HSD17B12: variants seen among roughly 807,000 people sequenced by gnomAD.
HSD17B12 encodes very-long-chain 3-oxoacyl-CoA reductase.
In HSD17B12, 32 loss-of-function variants were observed where a neutral mutation model predicts 39.3. The observed-to-expected ratio is 0.81, with a 90% CI of 0.61 to 1.09. The LOEUF (loss-of-function observed/expected upper bound fraction) is 1.09, where lower values mean the gene tolerates loss of function less well. Ranked by LOEUF, HSD17B12 falls within the 50% of genes least tolerant of loss-of-function variation. The pLI, the probability that HSD17B12 is intolerant of heterozygous loss-of-function variation, is 0.00. For synonymous variants in HSD17B12, 150 were observed against 146.7 expected (o/e 1.02, Z -0.16); for missense variants, 342 against 382.9 (o/e 0.89, Z 0.89).
chr11:43,614,795 T>A, the HSD17B12 span, among the ~76,000 whole-genome samples: 1 of 152,120 alleles, frequency 6.6e-6, no homozygotes, highest in Admixed American at 6.5e-5. Context: ...TTTTTACTTT[T>A]AAAATTTTTA....
chr11:43,645,286 ATGTAC>A, the HSD17B12 span: 2 of 152,206 alleles, frequency 1.3e-5, no homozygotes, highest in Non-Finnish European at 2.9e-5. Context: ...TTCTGCCACA[ATGTAC>A]TGCTCCATAA....
chr11:43,561,013 C>T, the HSD17B12 span, among the ~76,000 whole-genome samples: 2 of 152,206 alleles, frequency 1.3e-5, no homozygotes, highest in Non-Finnish European at 2.9e-5. Flanking sequence ...CCACCACTTC[C>T]TGGTGACGCT....
chr11:43,607,436 G>A, the HSD17B12 span, among the ~76,000 whole-genome samples: 1 of 152,062 alleles, frequency 6.6e-6, no homozygotes, highest in Non-Finnish European at 1.5e-5. Context: ...TACAAAAGCC[G>A]CTCAAGCACT....
At chr11:43,686,871 A>G (rs1949805331) in intron 1 of HSD17B12, among the ~76,000 whole-genome samples, 1 of 152,186 alleles carries the variant, frequency 6.6e-6, no homozygotes, top group Admixed American at 6.6e-5. Context: ...GTTTAGAAGA[A>G]AGAGTTGATA....
At chr11:43,680,059 C>G (rs1029433504), upstream of HSD17B12, among the ~76,000 whole-genome samples, 7 of 126,288 alleles carry the variant, frequency 5.5e-5, no homozygotes, top group Non-Finnish European at 1.1e-4. Flanking sequence ...TGGCTCCACA[C>G]CTATTTCTTT....
At chr11:43,564,127 G>A in the HSD17B12 span, among the ~76,000 whole-genome samples, 1 of 152,236 alleles carries the variant, frequency 6.6e-6, no homozygotes, top group African/African-American at 2.4e-5. Flanking sequence ...GATTACAAGT[G>A]TGCACCACCG....
chr11:43,596,632 G>C, the HSD17B12 span, among the ~76,000 whole-genome samples: 1 of 151,588 alleles, frequency 6.6e-6, no homozygotes, highest in African/African-American at 2.4e-5. Flanking sequence ...TAGAAACAAG[G>C]TATCGCTATT....
the HSD17B12 span, among the ~76,000 whole-genome samples, chr11:43,634,620 A>G: frequency 2.6e-5 from 4 of 152,144 alleles, no homozygotes; most frequent in African/African-American, 9.7e-5. Flanking sequence ...TTTGCTCCCC[A>G]TGCACACTGA....
chr11:43,839,415 T>C (rs1327306760), intron 8 of HSD17B12, among the ~76,000 whole-genome samples: 2 of 152,184 alleles, frequency 1.3e-5, no homozygotes, highest in Non-Finnish European at 2.9e-5. Flanking sequence ...GAAAAGTCAC[T>C]TGATTCTTTG....
chr11:43,798,883 A>G (rs1950939253), intron 4 of HSD17B12, among the ~76,000 whole-genome samples: 1 of 152,170 alleles, frequency 6.6e-6, no homozygotes, highest in Non-Finnish European at 1.5e-5. Flanking sequence ...CACACTGGTA[A>G]ACTCAAGTTT....
In HSD17B12 at chr11:43,816,261, A is replaced by G. The variant is rs1951121921; in HGVS notation, c.457-86A>G. On this transcript the variant is annotated intron_variant, in intron 5 of 10. Transcript: ENST00000278353. The stretch of plus-strand genomic sequence containing the variant: ...TCTGCAATATCTGGGGAAATGTTCA[A>G]TGCTTCTCTAGATTACCTAAGTAGA... 13 of 1,127,406 alleles carry G rather than the reference A, an allele frequency of 1.2e-5. No homozygotes were observed. The South Asian group carries it at 1.4e-4, about 12-fold the overall frequency. 69.8% of individuals were successfully genotyped at this position (1,127,406 alleles called of 1,614,324 possible).
the HSD17B12 span, among the ~76,000 whole-genome samples, chr11:43,661,499 C>G: frequency 6.6e-6 from 1 of 152,132 alleles, no homozygotes; most frequent in African/African-American, 2.4e-5. Context: ...AAGTGCATGT[C>G]TAATAACTTA....
intron 9 of HSD17B12, among the ~76,000 whole-genome samples, chr11:43,844,147 CTA>C (rs1951452926): frequency 6.6e-6 from 1 of 152,138 alleles, no homozygotes; most frequent in Admixed American, 6.5e-5. Flanking sequence ...GCAAAGAATG[CTA>C]TCTTTTTAGG....
At chr11:43,709,284 C>A (rs1950043750) in intron 1 of HSD17B12, among the ~76,000 whole-genome samples, 1 of 152,234 alleles carries the variant, frequency 6.6e-6, no homozygotes, top group South Asian at 2.1e-4. Flanking sequence ...CACCACCACA[C>A]CTGGCTAAGT....
the HSD17B12 span, among the ~76,000 whole-genome samples, chr11:43,634,075 CAAAAAAAAAAAAAAAAAAAAA>C: frequency 1.3e-4 from 5 of 37,568 alleles, no homozygotes; most frequent in African/African-American, 2.3e-4. Flanking sequence ...AACTCCATCT[CAAAAAAAAAAAAAAAAAAAAA>C]AAAAAAAAAA....
chr11:43,724,710 A>C (rs1472170852), intron 1 of HSD17B12, among the ~76,000 whole-genome samples: 1 of 152,130 alleles, frequency 6.6e-6, no homozygotes, highest in Non-Finnish European at 1.5e-5. Flanking sequence ...CCAACCATCC[A>C]CAAATGCCCC....
the HSD17B12 span, among the ~76,000 whole-genome samples, chr11:43,594,978 A>G: frequency 6.6e-6 from 1 of 152,104 alleles, no homozygotes; most frequent in African/African-American, 2.4e-5. Context: ...GTATTTCTAC[A>G]TTTGAGGCCC....
the HSD17B12 span, among the ~76,000 whole-genome samples, chr11:43,663,721 A>G: frequency 1.3e-5 from 2 of 152,196 alleles, no homozygotes; most frequent in Non-Finnish European, 2.9e-5. Flanking sequence ...GCCAACACCT[A>G]CACCAAGGTT....
At chr11:43,837,245 AG>A (rs1252609319) in intron 7 of HSD17B12, among the ~76,000 whole-genome samples, 3 of 152,194 alleles carry the variant, frequency 2.0e-5, no homozygotes, top group Non-Finnish European at 4.4e-5. Context: ...TTTTGCATAA[AG>A]GGGGTCTTTA....
Sources: allele counts gnomAD v4.1 joint callset (sites outside exome capture counted in the v4.1 genomes callset), GRCh38; gene constraint gnomAD v4.1.1; transcripts MANE v1.5; gene names NCBI Gene and HGNC (gene_info 2026-07-23, HGNC 2026-07-21).